The following POF1B variants were observed in gnomAD, a reference collection of about 807,000 sequenced individuals.
POF1B encodes protein POF1B.
POF1B carries 53 observed loss-of-function variants against 55.3 expected under a neutral mutation model. That is an observed-to-expected ratio of 0.96 (90% confidence interval 0.77 to 1.20). The LOEUF is 1.20. Ranked by LOEUF, POF1B falls within the 50% of genes most tolerant of loss-of-function variation. The probability of loss-of-function intolerance (pLI) is 0.00; values close to 1 mark genes in which losing one functional copy is unlikely to be tolerated. For synonymous variants in POF1B, 188 were observed against 148.3 expected (o/e 1.27, Z -1.95); for missense variants, 478 against 420.5 (o/e 1.14, Z -1.20).
chrX:85,284,745 G>A (rs757373599), intron 15 of POF1B, among the ~76,000 whole-genome samples: 11 of 111,436 alleles, frequency 9.9e-5, no homozygotes, highest in African/African-American at 3.6e-4. Context: ...CATAGGCGTG[G>A]GCAAAGACTT....
At chrX:85,364,237 G>A in intron 3 of POF1B, among the ~76,000 whole-genome samples, 1 of 110,925 alleles carries the variant, frequency 9.0e-6, no homozygotes, top group Middle Eastern at 4.7e-3. Flanking sequence ...GAGGTGTTTA[G>A]TCCATTTACA....
intron 15 of POF1B, among the ~76,000 whole-genome samples, chrX:85,290,842 A>G (rs1394696340): frequency 2.7e-5 from 3 of 111,041 alleles, no homozygotes; most frequent in African/African-American, 9.8e-5. Context: ...GCATATTAGA[A>G]CTTTGTCAGA....
At chrX:85,297,288 ACT>A (rs1932329518) in intron 15 of POF1B, among the ~76,000 whole-genome samples, 1 of 110,708 alleles carries the variant, frequency 9.0e-6, no homozygotes, top group African/African-American at 3.3e-5. Flanking sequence ...ATAAAGGGAA[ACT>A]CTGACTTTTT....
intron 2 of POF1B, among the ~76,000 whole-genome samples, chrX:85,371,953 A>G (rs942707607): frequency 8.9e-6 from 1 of 112,220 alleles, no homozygotes; most frequent in Non-Finnish European, 1.9e-5. Context: ...TTCTGATAAA[A>G]TATTCAGCAT....
chrX:85,298,905 TA>T (rs1028442733), intron 15 of POF1B, among the ~76,000 whole-genome samples: 39 of 103,141 alleles, frequency 3.8e-4, no homozygotes, highest in African/African-American at 1.3e-3. Context: ...TACAAAGAAC[TA>T]AAAAAAAAAC....
intron 15 of POF1B, among the ~76,000 whole-genome samples, chrX:85,298,030 C>T (rs1383614617): frequency 8.9e-6 from 1 of 112,400 alleles, no homozygotes; most frequent in Non-Finnish European, 1.9e-5. Flanking sequence ...TTGTCCTCTA[C>T]CTCCTTGGGA....
At chrX:85,304,496 A>T in intron 13 of POF1B, 25 bp from the exon 14 acceptor site, 1 of 946,556 alleles carries the variant, frequency 1.1e-6, no homozygotes, top group South Asian at 3.4e-5. Flanking sequence ...AGAAATAAAT[A>T]TTATTATAAT....
chrX:85,375,303 T>G (rs190066125), intron 2 of POF1B, among the ~76,000 whole-genome samples: 104 of 112,017 alleles, frequency 9.3e-4, no homozygotes, highest in African/African-American at 3.2e-3. Context: ...TGTTTTGTCA[T>G]GAATTGTCAA....
At chrX:85,287,682 A>G (rs68098045) in intron 15 of POF1B, among the ~76,000 whole-genome samples, 14,434 of 110,863 alleles carry the variant, frequency 0.13, 707 homozygotes, top group South Asian at 0.17. Context: ...AATAATATCA[A>G]TCTTACATAA....
chrX:85,299,632 G>A (rs772870592), intron 15 of POF1B, among the ~76,000 whole-genome samples: 1 of 98,189 alleles, frequency 1.0e-5, no homozygotes, highest in East Asian at 3.2e-4. Flanking sequence ...AGCCTCCCGA[G>A]TAGCTGGGAC....
chrX:85,317,812 A>T (rs1303259104), intron 7 of POF1B, among the ~76,000 whole-genome samples: 1 of 111,855 alleles, frequency 8.9e-6, no homozygotes, highest in East Asian at 2.8e-4. Context: ...AAGACATGGA[A>T]TCAACCTAAA....
chrX:85,303,360 T>C (rs1338041993), intron 15 of POF1B, 46 bp downstream of exon 15: 1 of 901,359 alleles, frequency 1.1e-6, no homozygotes, highest in South Asian at 2.3e-5. Flanking sequence ...ACTTGGATTA[T>C]ATGATCATAA....
intron 5 of POF1B, among the ~76,000 whole-genome samples, chrX:85,348,474 TC>T (rs1317321101): frequency 9.0e-6 from 1 of 110,715 alleles, no homozygotes; most frequent in Non-Finnish European, 1.9e-5. Context: ...ATCTCTTTTT[TC>T]TTGAACATTT....
At chrX:85,333,554 A>T (rs774098682) in intron 6 of POF1B, among the ~76,000 whole-genome samples, 11 of 110,923 alleles carry the variant, frequency 9.9e-5, no homozygotes, top group Non-Finnish European at 2.1e-4. Flanking sequence ...TCTGGAAAGA[A>T]TTTTTTTACA....
chrX:85,327,605 T>G (rs1385447320), intron 7 of POF1B, among the ~76,000 whole-genome samples: 1 of 112,268 alleles, frequency 8.9e-6, no homozygotes, highest in African/African-American at 3.2e-5. Flanking sequence ...CTAGCAAAAG[T>G]AGAAATATCT....
At chrX:85,321,122 G>C (rs1300911679) in intron 7 of POF1B, among the ~76,000 whole-genome samples, 1 of 111,158 alleles carries the variant, frequency 9.0e-6, no homozygotes, top group East Asian at 2.8e-4. Context: ...TACCAAAGCC[G>C]GGAAGAGACA....
rs763465869 is a variant in POF1B, at chrX:85,278,547, A to G, written c.*874T>C. ...AAAATATTTCTCCCAAGTAGGATAA[A>G]TCTATCAAGTATTTGTTGCTGCTAT... On this transcript the variant is annotated 3_prime_UTR_variant, in exon 17 of 17. Coordinates refer to ENST00000262753, the MANE Select transcript of POF1B (RefSeq NM_024921.4). 9.0e-6 allele frequency: 1 copy of G among 111,611 alleles called. No homozygotes were observed. Among genetic ancestry groups the G allele is most frequent in the Non-Finnish European group, 1.9e-5 (1 of 52,612 alleles). The allele number at this position is 111,611 out of a possible 1,213,427, so 9.2% of individuals were successfully genotyped here. A position where few individuals can be genotyped will look rare whatever the true frequency, so the allele number is the denominator to read the frequency against.
rs1932832934 is a variant in POF1B, at chrX:85,321,074, CT to C, written c.855-5341del. ...TCCAATCAATAGAAAAAGAGGGAAT[CT>C]TCCCTAATTCATTTTATGAGGCCAA... On this transcript the variant is annotated intron_variant, in intron 7 of 16. Transcript: ENST00000262753. 2.7e-5 allele frequency among the ~76,000 whole-genome samples: 3 copies of C among 111,903 alleles called. No homozygotes were observed. In the South Asian group the frequency reaches 1.1e-3, roughly 42 times the overall value.
chrX:85,285,360 A>G (rs1932024473), intron 15 of POF1B, among the ~76,000 whole-genome samples: 1 of 111,153 alleles, frequency 9.0e-6, no homozygotes, highest in Non-Finnish European at 1.9e-5. Flanking sequence ...ACGTATGTTT[A>G]TTGTGGCACT....
Sources: allele counts gnomAD v4.1 joint callset (sites outside exome capture counted in the v4.1 genomes callset), GRCh38; gene constraint gnomAD v4.1.1; transcripts MANE v1.5; gene names NCBI Gene and HGNC (gene_info 2026-07-23, HGNC 2026-07-21).